Variants in RANBP2 observed in about 807,000 individuals in gnomAD.
RANBP2 encodes E3 SUMO-protein ligase RanBP2.
A neutral mutation model predicts 303.6 loss-of-function variants in RANBP2; 57 were observed. That is an observed-to-expected ratio of 0.19 (90% CI 0.15 to 0.23). The LOEUF is 0.23. Ranked by LOEUF, RANBP2 falls within the 10% of genes least tolerant of loss-of-function variation. RANBP2 has a pLI of 1.00. For synonymous variants in RANBP2, 1,167 were observed against 1,301.5 expected (o/e 0.90, Z 2.23); for missense variants, 3,138 against 3,780.8 (o/e 0.83, Z 4.46).
chr2:109,116,628 A>G, the RANBP2 span, among the ~76,000 whole-genome samples: 1 of 152,116 alleles, frequency 6.6e-6, no homozygotes, highest in African/African-American at 2.4e-5. Context: ...TCTTCTCTCA[A>G]CTCGTCAAAG....
the RANBP2 span, among the ~76,000 whole-genome samples, chr2:109,287,930 C>G: frequency 2.0e-5 from 3 of 152,242 alleles, no homozygotes; most frequent in Non-Finnish European, 4.4e-5. Flanking sequence ...ACATCCAGGA[C>G]CTGCCTGTTC....
the RANBP2 span, among the ~76,000 whole-genome samples, chr2:109,443,220 T>C: frequency 1.3e-5 from 2 of 152,228 alleles, no homozygotes; most frequent in African/African-American, 2.4e-5. Context: ...AAAGAGAAAA[T>C]GAGGTTCAGA....
chr2:108,783,395 C>T (rs1305384466), intron 28 of RANBP2, among the ~76,000 whole-genome samples: 1 of 123,954 alleles, frequency 8.1e-6, no homozygotes, highest in African/African-American at 3.1e-5. Flanking sequence ...CTAGTAGAAA[C>T]TAAGGGATGG....
chr2:108,815,211 T>C, the RANBP2 span, among the ~76,000 whole-genome samples: 1 of 152,122 alleles, frequency 6.6e-6, no homozygotes, highest in African/African-American at 2.4e-5. Flanking sequence ...ATAAGTTTCA[T>C]AGTGGAAATT....
At chr2:109,163,180 G>A in the RANBP2 span, among the ~76,000 whole-genome samples, 3 of 152,190 alleles carry the variant, frequency 2.0e-5, no homozygotes, top group East Asian at 1.9e-4. Flanking sequence ...GCTCACCCCC[G>A]AGGCGGGAAT....
At chr2:109,362,590 G>A in the RANBP2 span, among the ~76,000 whole-genome samples, 1 of 152,082 alleles carries the variant, frequency 6.6e-6, no homozygotes, top group Non-Finnish European at 1.5e-5. Flanking sequence ...GTAGATTGAT[G>A]GTGCCATTAA....
the RANBP2 span, among the ~76,000 whole-genome samples, chr2:109,191,556 G>A: frequency 6.6e-6 from 1 of 152,168 alleles, no homozygotes; most frequent in Non-Finnish European, 1.5e-5. Context: ...CAGGCTTGAC[G>A]CTGCCTCCCA....
chr2:109,418,479 G>A, the RANBP2 span, among the ~76,000 whole-genome samples: 6 of 152,034 alleles, frequency 3.9e-5, no homozygotes, highest in East Asian at 1.9e-4. Context: ...GGTGGCTGCC[G>A]GCATCCTCAG....
At chr2:108,813,172 C>G in the RANBP2 span, among the ~76,000 whole-genome samples, 1 of 127,560 alleles carries the variant, frequency 7.8e-6, no homozygotes, top group Non-Finnish European at 1.6e-5. Context: ...TTGCTGGAAC[C>G]TGGGAGGCGG....
the RANBP2 span, among the ~76,000 whole-genome samples, chr2:108,989,719 G>C: frequency 3.3e-5 from 5 of 151,772 alleles, no homozygotes; most frequent in African/African-American, 1.2e-4. Context: ...CACACCCCCC[G>C]TATAACTAGG....
At chr2:108,814,942 T>G in the RANBP2 span, among the ~76,000 whole-genome samples, 1 of 152,074 alleles carries the variant, frequency 6.6e-6, no homozygotes, top group African/African-American at 2.4e-5. Context: ...GGCCTGCAGA[T>G]TTTTAAAAAA....
chr2:109,681,454 A>G, the RANBP2 span, among the ~76,000 whole-genome samples: 18,052 of 152,256 alleles, frequency 0.12, 1,931 homozygotes, highest in East Asian at 0.42. Context: ...TTATGAAGAT[A>G]TCTTTGGTTG....
the RANBP2 span, among the ~76,000 whole-genome samples, chr2:109,495,686 T>TTCG: frequency 6.6e-6 from 1 of 151,946 alleles, no homozygotes; most frequent in Non-Finnish European, 1.5e-5. Context: ...GAGACGGGGT[T>TTCG]TCGCCATGTT....
At chr2:108,819,721 T>C in the RANBP2 span, among the ~76,000 whole-genome samples, 835 of 152,214 alleles carry the variant, frequency 5.5e-3, 2 homozygotes, top group Non-Finnish European at 7.9e-3. Flanking sequence ...TTGTAAAGAC[T>C]CAGAAAGGTA....
chr2:109,177,325 T>C, the RANBP2 span, among the ~76,000 whole-genome samples: 1 of 152,160 alleles, frequency 6.6e-6, no homozygotes, highest in East Asian at 1.9e-4. Context: ...TTATATCTAC[T>C]AAGAAAGATA....
At chr2:108,854,002 T>TAA in the RANBP2 span, among the ~76,000 whole-genome samples, 1 of 10,674 alleles carries the variant, frequency 9.4e-5, no homozygotes, top group East Asian at 0.011. Flanking sequence ...TAAATTTATA[T>TAA]TATATATAAT....
the RANBP2 span, among the ~76,000 whole-genome samples, chr2:108,840,079 T>G: frequency 1.3e-5 from 2 of 152,250 alleles, no homozygotes; most frequent in South Asian, 4.1e-4. Flanking sequence ...TCGTGTTGAA[T>G]TTTTTTAGAT....
At chr2:108,846,896 A>G in the RANBP2 span, 1 of 1,612,382 alleles carries the variant, frequency 6.2e-7, no homozygotes, top group Non-Finnish European at 8.5e-7. Flanking sequence ...TGAGATTTTT[A>G]TCAACCTTAA....
the RANBP2 span, among the ~76,000 whole-genome samples, chr2:109,346,850 T>C: frequency 6.6e-6 from 1 of 152,136 alleles, no homozygotes; most frequent in Non-Finnish European, 1.5e-5. Context: ...GAGGATACAG[T>C]CTTATGCCCT....
Sources: allele counts gnomAD v4.1 joint callset (sites outside exome capture counted in the v4.1 genomes callset), GRCh38; gene constraint gnomAD v4.1.1; transcripts MANE v1.5; gene names NCBI Gene and HGNC (gene_info 2026-07-23, HGNC 2026-07-21).